The following ATP11A variants were observed in gnomAD, a reference collection of about 807,000 sequenced individuals.
ATP11A encodes ATPase phospholipid transporting 11A, also known as phospholipid-transporting ATPase IH.
In ATP11A, 81 loss-of-function variants were observed where a neutral mutation model predicts 154.4. That is an observed-to-expected ratio of 0.52 (90% CI 0.44 to 0.63). The LOEUF is 0.63. Among genes scored for constraint, ATP11A ranks in the 30% least tolerant of loss-of-function variants. The pLI, the probability that ATP11A is intolerant of heterozygous loss-of-function variation, is 0.00. For missense variants in ATP11A, 1,316 were observed against 1,474.3 expected (o/e 0.89, Z 1.76); for synonymous variants, 623 against 585.9 (o/e 1.06, Z -0.91).
chr13:112,842,246 A>C, intron 16 of ATP11A, 30 bp from the exon 17 acceptor site: 3 of 1,527,710 alleles, frequency 2.0e-6, no homozygotes, highest in Non-Finnish European at 2.7e-6. Context: ...CCATATTGTG[A>C]TTAAACTCCT....
intron 1 of ATP11A, among the ~76,000 whole-genome samples, chr13:112,767,461 AGGGTGTGG>A (rs2077119370): frequency 1.6e-5 from 1 of 61,386 alleles, no homozygotes; most frequent in Non-Finnish European, 3.1e-5. Flanking sequence ...GAAGGTGGGG[AGGGTGTGG>A]GAGTGCTGGG....
intron 1 of ATP11A, among the ~76,000 whole-genome samples, chr13:112,750,657 C>A (rs1375022253): frequency 6.6e-6 from 1 of 152,244 alleles, no homozygotes; most frequent in African/African-American, 2.4e-5. Context: ...CCCCTTCAGC[C>A]TCTCGTGAAT....
chr13:112,877,146 G>A (rs1290798468), intron 28 of ATP11A, among the ~76,000 whole-genome samples: 1 of 152,160 alleles, frequency 6.6e-6, no homozygotes. Context: ...CAGGAGAAAC[G>A]CAGCAGAACG....
At chr13:112,866,779 G>A (rs2080349262) in intron 25 of ATP11A, among the ~76,000 whole-genome samples, 1 of 150,780 alleles carries the variant, frequency 6.6e-6, no homozygotes, top group African/African-American at 2.4e-5. Context: ...ACCTGCTTTA[G>A]TCGTTTTCAT....
chr13:112,779,378 TGGAG>T (rs1298421172), intron 1 of ATP11A, among the ~76,000 whole-genome samples: 19 of 135,494 alleles, frequency 1.4e-4, no homozygotes, highest in African/African-American at 5.5e-4. Context: ...GAGTAGCCGC[TGGAG>T]TGAGTAGCCG....
chr13:112,769,726 G>A (rs1594622298), intron 1 of ATP11A, among the ~76,000 whole-genome samples: 1 of 152,196 alleles, frequency 6.6e-6, no homozygotes, highest in Non-Finnish European at 1.5e-5. Context: ...TTGCAGAGGG[G>A]TGGGCGAGCC....
intron 1 of ATP11A, among the ~76,000 whole-genome samples, chr13:112,692,502 A>T (rs946397820): frequency 6.6e-6 from 1 of 152,212 alleles, no homozygotes; most frequent in African/African-American, 2.4e-5. Flanking sequence ...AGATCTATAT[A>T]AGTGTTTGCG....
intron 1 of ATP11A, among the ~76,000 whole-genome samples, chr13:112,726,620 G>A (rs1382463062): frequency 6.6e-6 from 1 of 152,174 alleles, no homozygotes; most frequent in Non-Finnish European, 1.5e-5. Context: ...CTCCAGCCGG[G>A]GGTGCTGCAG....
At chr13:112,844,832 G>A (rs1230983184) in intron 17 of ATP11A, among the ~76,000 whole-genome samples, 1 of 151,092 alleles carries the variant, frequency 6.6e-6, no homozygotes, top group Non-Finnish European at 1.5e-5. Flanking sequence ...CCGGGTGTTA[G>A]TGGTACTAAC....
chr13:112,852,792 G>GGGT (rs1566573224), intron 18 of ATP11A, among the ~76,000 whole-genome samples: 1 of 146,994 alleles, frequency 6.8e-6, no homozygotes, highest in African/African-American at 2.6e-5. Flanking sequence ...TGGCGGGGGG[G>GGGT]GATCTCAGTG....
chr13:112,739,560 A>G (rs184857867), intron 1 of ATP11A, among the ~76,000 whole-genome samples: 1 of 152,250 alleles, frequency 6.6e-6, no homozygotes, highest in African/African-American at 2.4e-5. Flanking sequence ...ACACTTGGCA[A>G]TTCCTCGAAA....
At chr13:112,825,927 C>G (rs1156456397) in intron 11 of ATP11A, among the ~76,000 whole-genome samples, 1 of 152,232 alleles carries the variant, frequency 6.6e-6, no homozygotes, top group Non-Finnish European at 1.5e-5. Context: ...AAAAAAGGGT[C>G]TGCTCCCAGT....
intron 15 of ATP11A, among the ~76,000 whole-genome samples, chr13:112,835,951 C>T (rs2079222262): frequency 1.3e-5 from 2 of 152,208 alleles, no homozygotes; most frequent in African/African-American, 4.8e-5. Context: ...GAGCCGGTGC[C>T]ACAGGGCCCA....
chr13:112,737,488 C>T (rs1271158341), intron 1 of ATP11A, among the ~76,000 whole-genome samples: 1 of 152,148 alleles, frequency 6.6e-6, no homozygotes, highest in Non-Finnish European at 1.5e-5. Flanking sequence ...TTGGCAAGGG[C>T]CAGCTATGCT....
Position 112,807,740 on chromosome 13 carries a change from T to A in ATP11A, c.333+1447T>A, listed in dbSNP as rs1405693425. Among the ~76,000 whole-genome samples, 1 of 151,792 alleles carries A rather than the reference T, an allele frequency of 6.6e-6. No homozygotes were observed. The highest frequency in any genetic ancestry group is 1.9e-4 in the East Asian group (1 of 5,164). On this transcript the variant is annotated intron_variant, in intron 4 of 29. Coordinates refer to ENST00000375645, the MANE Select transcript of ATP11A (RefSeq NM_015205.3). The surrounding 1 kb of genome is among the most constrained non-coding windows in gnomAD (Gnocchi z 4.5). ...GTTTCCAGGAACCCATCGTGGAGAT[T>A]AGGTGAGGGCGTCCCGTGCTATCTG...
chr13:112,706,562 A>G (rs1299438372), intron 1 of ATP11A, among the ~76,000 whole-genome samples: 1 of 152,248 alleles, frequency 6.6e-6, no homozygotes, highest in Non-Finnish European at 1.5e-5. Context: ...CAGTTGGTCT[A>G]TAACATTTCT....
At position 112,882,514 on chromosome 13, in the gene ATP11A, A is replaced by G. The variant is rs1297012959; in HGVS notation, c.*648A>G. On this transcript the variant is annotated 3_prime_UTR_variant, in exon 30 of 30. Transcript: ENST00000375645. The surrounding 1 kb of genome is among the most constrained non-coding windows in gnomAD (Gnocchi z 5.1). ...CTGTGGGAAGGGCCGGGTCACTCGG[A>G]TACCATCATCCCTGCGGATGCACCG... The G allele has an allele frequency of 4.3e-6, 2 of 459,910 alleles. No individual in the cohort carries two copies. The highest frequency in any genetic ancestry group is 7.6e-6 in the Non-Finnish European group (2 of 264,210). 28.5% of individuals were successfully genotyped at this position (459,910 alleles called of 1,614,324 possible).
chr13:112,826,408 T>C (rs778715486), intron 11 of ATP11A, among the ~76,000 whole-genome samples: 1 of 152,212 alleles, frequency 6.6e-6, no homozygotes, highest in Non-Finnish European at 1.5e-5. Flanking sequence ...CTGGTTGGCG[T>C]GTCTCCTGTC....
intron 15 of ATP11A, among the ~76,000 whole-genome samples, chr13:112,835,078 C>T (rs368471858): frequency 2.5e-4 from 38 of 152,392 alleles, no homozygotes; most frequent in African/African-American, 8.2e-4. Context: ...CCCTGGCTCA[C>T]GTGCTGGGAG....
Sources: allele counts gnomAD v4.1 joint callset (sites outside exome capture counted in the v4.1 genomes callset), GRCh38; gene constraint gnomAD v4.1.1; non-coding constraint Gnocchi (gnomAD v3.1); transcripts MANE v1.5; gene names NCBI Gene and HGNC (gene_info 2026-07-23, HGNC 2026-07-21).